Variants in MEIKIN observed in about 807,000 individuals in gnomAD.
MEIKIN encodes the protein meiosis-specific kinetochore protein.
chr5:131,869,014 T>C (rs1580880692), intron 9 of MEIKIN, among the ~76,000 whole-genome samples: 1 of 152,258 alleles, frequency 6.6e-6, no homozygotes, highest in Non-Finnish European at 1.5e-5. Flanking sequence ...ATTTCTTTTA[T>C]AATTGTGCCT....
intron 11 of MEIKIN, among the ~76,000 whole-genome samples, chr5:131,845,300 A>AG (rs1749997815): frequency 1.3e-5 from 2 of 148,414 alleles, no homozygotes; most frequent in Non-Finnish European, 3.0e-5. Flanking sequence ...AAAAAAAAAA[A>AG]GATGGCAAAG....
intron 12 of MEIKIN, among the ~76,000 whole-genome samples, chr5:131,816,056 G>A (rs982328456): frequency 2.6e-5 from 4 of 152,212 alleles, no homozygotes; most frequent in Admixed American, 6.5e-5. Flanking sequence ...ATAGCAAGAA[G>A]AAGGGTGAAC....
intron 10 of MEIKIN, among the ~76,000 whole-genome samples, chr5:131,852,434 T>C (rs1750131018): frequency 6.6e-6 from 1 of 152,156 alleles, no homozygotes; most frequent in African/African-American, 2.4e-5. Context: ...TACCCAGTCT[T>C]GGGTATGTCT....
intron 7 of MEIKIN, among the ~76,000 whole-genome samples, chr5:131,914,740 T>C (rs569710078): frequency 2.6e-5 from 4 of 151,912 alleles, no homozygotes; most frequent in Non-Finnish European, 5.9e-5. Flanking sequence ...TTAACAAAGA[T>C]AGATCTCTCC....
At chr5:131,867,499 G>A (rs1444608100) in intron 9 of MEIKIN, among the ~76,000 whole-genome samples, 1 of 152,158 alleles carries the variant, frequency 6.6e-6, no homozygotes, top group Non-Finnish European at 1.5e-5. Flanking sequence ...TAGTTTCCCA[G>A]TCTTAAAATT....
chr5:131,885,714 GACACCAACAA>G (rs1221322373), intron 8 of MEIKIN, among the ~76,000 whole-genome samples: 2 of 152,142 alleles, frequency 1.3e-5, no homozygotes, highest in African/African-American at 4.8e-5. Context: ...TCAGAGTCCA[GACACCAACAA>G]ACATCTACAA....
chr5:131,865,586 C>A (rs1750369581), intron 9 of MEIKIN, among the ~76,000 whole-genome samples: 1 of 152,182 alleles, frequency 6.6e-6, no homozygotes, highest in African/African-American at 2.4e-5. Context: ...TGTCATATTT[C>A]CTTGCTTTTT....
At chr5:131,867,577 T>C (rs536379934) in intron 9 of MEIKIN, among the ~76,000 whole-genome samples, 1 of 152,346 alleles carries the variant, frequency 6.6e-6, no homozygotes, top group Non-Finnish European at 1.5e-5. Flanking sequence ...CTTTTTATTG[T>C]CAACATAGTT....
At chr5:131,852,289 C>T (rs1357136561) in intron 10 of MEIKIN, among the ~76,000 whole-genome samples, 1 of 152,050 alleles carries the variant, frequency 6.6e-6, no homozygotes, top group Non-Finnish European at 1.5e-5. Context: ...GGGTAGTTTT[C>T]CCTGCTCTTC....
At chr5:131,836,884 C>G (rs1167100308) in intron 11 of MEIKIN, among the ~76,000 whole-genome samples, 1 of 151,998 alleles carries the variant, frequency 6.6e-6, no homozygotes. Context: ...GCCGTGGAGA[C>G]AGTCTTTAGT....
At chr5:131,872,857 G>C (rs531470713) in intron 9 of MEIKIN, among the ~76,000 whole-genome samples, 390 of 152,304 alleles carry the variant, frequency 2.6e-3, no homozygotes, top group African/African-American at 6.5e-3. Context: ...CATTCTTAAA[G>C]AAAAGAATTT....
intron 11 of MEIKIN, among the ~76,000 whole-genome samples, chr5:131,834,908 C>A (rs769143952): frequency 6.6e-6 from 1 of 152,040 alleles, no homozygotes; most frequent in Non-Finnish European, 1.5e-5. Flanking sequence ...AATTTAAATT[C>A]ATATCAGCAG....
At chr5:131,815,241 G>T (rs536742683) in intron 12 of MEIKIN, among the ~76,000 whole-genome samples, 2 of 152,276 alleles carry the variant, frequency 1.3e-5, no homozygotes, top group African/African-American at 2.4e-5. Flanking sequence ...TAAAGAAGCT[G>T]GCCTAATAGG....
chr5:131,809,819 CAA>C (rs5871436), intron 12 of MEIKIN, among the ~76,000 whole-genome samples: 1 of 130,630 alleles, frequency 7.7e-6, no homozygotes. Flanking sequence ...AACAAACGAA[CAA>C]AAAAAAAAAA....
intron 8 of MEIKIN, among the ~76,000 whole-genome samples, chr5:131,893,747 G>C (rs559248993): frequency 4.9e-4 from 75 of 152,198 alleles, no homozygotes; most frequent in African/African-American, 1.8e-3. Context: ...CCATAAATTT[G>C]TTTAAGTTCC....
intron 12 of MEIKIN, among the ~76,000 whole-genome samples, chr5:131,815,204 T>C (rs1443314938): frequency 6.6e-6 from 1 of 152,178 alleles, no homozygotes; most frequent in Non-Finnish European, 1.5e-5. Context: ...GCTCCTGGAA[T>C]TCACTGGTCT....
rs972764040 is a variant in MEIKIN, at chr5:131,874,987, C to T, written c.774+3991G>A. ...CTCAATAAATTAGGTATTGATGGGA[C>T]GTATCTCAAAATAATAAGAGCTATC... is the stretch of plus-strand genomic sequence containing the variant. On this transcript the variant is annotated intron_variant, in intron 9 of 12. Transcript: ENST00000442687. Among the ~76,000 whole-genome samples, 11 of 152,196 alleles carry T rather than the reference C, an allele frequency of 7.2e-5. No individual in the cohort carries two copies. The East Asian group carries it at 1.4e-3, about 19-fold the overall frequency.
intron 8 of MEIKIN, among the ~76,000 whole-genome samples, chr5:131,894,399 T>A (rs1318519030): frequency 6.6e-6 from 1 of 152,232 alleles, no homozygotes; most frequent in Non-Finnish European, 1.5e-5. Flanking sequence ...TTTGGTTCCA[T>A]ATGAACTTGA....
intron 9 of MEIKIN, among the ~76,000 whole-genome samples, chr5:131,865,820 AT>A (rs1159685138): frequency 6.6e-6 from 1 of 152,174 alleles, no homozygotes; most frequent in Non-Finnish European, 1.5e-5. Context: ...GTTATCTGTG[AT>A]TTCCTTGGTG....
Sources: allele counts gnomAD v4.1 joint callset (sites outside exome capture counted in the v4.1 genomes callset), GRCh38; gene constraint gnomAD v4.1.1; transcripts MANE v1.5; gene names NCBI Gene and HGNC (gene_info 2026-07-23, HGNC 2026-07-21).